Variants in PTPN14 observed in about 807,000 individuals in gnomAD.
PTPN14 encodes tyrosine-protein phosphatase non-receptor type 14.
Under a neutral mutation model 126.8 loss-of-function variants are expected in PTPN14, and 53 were observed. The observed-to-expected ratio is 0.42, with a 90% CI of 0.34 to 0.53. PTPN14 has a LOEUF of 0.53. PTPN14 is among the 20% of genes least tolerant of loss of function. The pLI is 0.08. For synonymous variants in PTPN14, 630 were observed against 599.3 expected, an observed-to-expected ratio of 1.05 and a Z score of -0.75; for missense variants, 1,257 against 1,552.9, an observed-to-expected ratio of 0.81 and a Z score of 3.20.
At position 214,371,727 on chromosome 1, in the gene PTPN14, T is replaced by G. The variant is rs144609964; in HGVS notation, c.3036+984A>C. Among the ~76,000 whole-genome samples the G allele has an allele frequency of 3.1e-3, 465 of 152,312 alleles. 1 individual carries two copies. Among genetic ancestry groups the G allele is most frequent in the Non-Finnish European group, 5.1e-3 (344 of 68,036 alleles). On this transcript the variant is annotated intron_variant, in intron 16 of 18. Transcript: ENST00000366956. ...CTATTCTAGAAGCTTTAAGGAGGAT[T>G]CATTCTCTTTGTGGGAAGGTCAAAC...
chr1:214,457,054 T>C (rs1203426770), intron 2 of PTPN14, among the ~76,000 whole-genome samples: 1 of 152,214 alleles, frequency 6.6e-6, no homozygotes, highest in Non-Finnish European at 1.5e-5. Context: ...AAATTATTAA[T>C]TGCCAAAAGA....
At chr1:214,429,497 C>T (rs1659748930) in intron 3 of PTPN14, among the ~76,000 whole-genome samples, 1 of 152,148 alleles carries the variant, frequency 6.6e-6, no homozygotes, top group African/African-American at 2.4e-5. Flanking sequence ...CAGTCATAAA[C>T]TACTACAAAT....
chr1:214,395,376 A>G (rs1362778470), intron 8 of PTPN14, among the ~76,000 whole-genome samples: 1 of 152,112 alleles, frequency 6.6e-6, no homozygotes, highest in African/African-American at 2.4e-5. Context: ...CCAGGAACCT[A>G]AATAGAAGAA....
chr1:214,470,621 A>G (rs140446548), intron 1 of PTPN14, among the ~76,000 whole-genome samples: 2,662 of 151,628 alleles, frequency 0.018, 66 homozygotes, highest in African/African-American at 0.06. Flanking sequence ...CATCGCTACT[A>G]AAAATACAAA....
chr1:214,465,724 T>A (rs1310367377), intron 1 of PTPN14, among the ~76,000 whole-genome samples: 1 of 152,100 alleles, frequency 6.6e-6, no homozygotes, highest in Non-Finnish European at 1.5e-5. Flanking sequence ...TCCAACTTCA[T>A]GAACAACCCT....
At chr1:214,398,492 G>A (rs1029880980) in intron 7 of PTPN14, among the ~76,000 whole-genome samples, 1 of 152,104 alleles carries the variant, frequency 6.6e-6, no homozygotes, top group African/African-American at 2.4e-5. Context: ...TGTTGCCCAG[G>A]GTGGAGAGCA....
In PTPN14 at chr1:214,414,745, G is replaced by A. The variant is rs763825565; in HGVS notation, c.345-19C>T. On this transcript the variant is annotated intron_variant, in intron 3 of 18. Transcript: ENST00000366956. The stretch of plus-strand genomic sequence containing the variant: ...CTGATATCTGTTCATGGGAATAGAG[G>A]AACAAACAACCTTAAAAACACATAC... 7.0e-6 allele frequency: 11 copies of A among 1,576,784 alleles called. No individual in the cohort carries two copies. The highest frequency in any genetic ancestry group is 9.6e-6 in the Non-Finnish European group (11 of 1,146,246).
chr1:214,547,226 T>C (rs765625659), intron 1 of PTPN14, among the ~76,000 whole-genome samples: 1 of 152,152 alleles, frequency 6.6e-6, no homozygotes, highest in Non-Finnish European at 1.5e-5. Context: ...TCCTCTCCCC[T>C]CCTATTACAA....
rs1226657997 is a variant in PTPN14, at chr1:214,366,829, A to G, written c.3272-2154T>C. Reference sequence around the variant, plus strand: ...AGACCCCGTCTCTACTAAAAATACAAAAAATTAGCCAGGCGTGGTGGTGGG... The same window carrying G: ...AGACCCCGTCTCTACTAAAAATACAGAAAATTAGCCAGGCGTGGTGGTGGG... On this transcript the variant is annotated intron_variant, in intron 17 of 18. Coordinates refer to ENST00000366956, the MANE Select transcript of PTPN14 (RefSeq NM_005401.5). Among the ~76,000 whole-genome samples the G allele has an allele frequency of 3.3e-5, 5 of 151,940 alleles. No homozygotes were observed. The East Asian group carries it at 9.6e-4, about 29-fold the overall frequency.
At position 214,383,185 on chromosome 1, in the gene PTPN14, AC is replaced by A; in HGVS notation, c.2544+125del. 8.2e-7 allele frequency: 1 copy of A among 1,220,752 alleles called. No homozygotes were observed. The highest frequency in any genetic ancestry group is 1.1e-6 in the Non-Finnish European group (1 of 877,606). 75.6% of individuals were successfully genotyped at this position (1,220,752 alleles called of 1,614,324 possible). ...TCAACATTTTGTGTAATAAAGTACT[AC>A]CTTTTAAATGCTCAATGATTCCTTA... On this transcript the variant is annotated intron_variant, in intron 13 of 18. Transcript: ENST00000366956. The surrounding 1 kb of genome is among the most constrained non-coding windows in gnomAD (Gnocchi z 4.4).
In PTPN14 at chr1:214,414,682, C is replaced by T. The variant is rs780867837; in HGVS notation, c.389G>A (p.Arg130Gln). ...CACCTGGTCCAATGTACATCGTAAT[C>T]GCCCTTCAAGCACATCTTTTTTGAC... ...LQVKKDVLEG[R>Q]LRCTLDQVIR... The change falls in exon 4 of 19, where the codon CGA (arginine) becomes CAA (glutamine). Residue 130 changes from arginine (R) to glutamine (Q), a missense_variant. Around this residue, in one of 3 missense-constraint regions of PTPN14, gnomAD observed 1,021 missense variants for 1,183.3 expected, o/e 0.86. Transcript: ENST00000366956. 10 of 1,614,066 alleles carry T rather than the reference C, an allele frequency of 6.2e-6. No homozygotes were observed. The South Asian group carries it at 8.8e-5, about 14-fold the overall frequency.
chr1:214,496,760 G>T (rs1022959927), intron 1 of PTPN14, among the ~76,000 whole-genome samples: 1 of 151,312 alleles, frequency 6.6e-6, no homozygotes, highest in South Asian at 2.1e-4. Context: ...CTATGATTCA[G>T]TTTTAACTTA....
At chr1:214,395,588 A>AACACACACAC (rs57357032) in intron 8 of PTPN14, among the ~76,000 whole-genome samples, 5,204 of 132,414 alleles carry the variant, frequency 0.039, 128 homozygotes, top group Admixed American at 0.068. Flanking sequence ...GGGACCCAAC[A>AACACACACAC]ACACACACAC....
chr1:214,439,208 T>C (rs981990007), intron 3 of PTPN14, among the ~76,000 whole-genome samples: 2 of 152,240 alleles, frequency 1.3e-5, no homozygotes, highest in African/African-American at 4.8e-5. Context: ...AGCAGATACA[T>C]AACTTGCTTC....
chr1:214,491,921 T>C (rs1050586009), intron 1 of PTPN14, among the ~76,000 whole-genome samples: 1 of 152,136 alleles, frequency 6.6e-6, no homozygotes, highest in African/African-American at 2.4e-5. Context: ...TCGATCTTGG[T>C]TTAAAGACCC....
intron 3 of PTPN14, among the ~76,000 whole-genome samples, chr1:214,424,695 C>T (rs540324524): frequency 6.6e-6 from 1 of 152,064 alleles, no homozygotes; most frequent in Admixed American, 6.5e-5. Flanking sequence ...ACCTGGCTAA[C>T]TTTGTTTTAT....
intron 9 of PTPN14, among the ~76,000 whole-genome samples, chr1:214,394,126 T>C (rs1050051793): frequency 5.9e-5 from 9 of 152,196 alleles, no homozygotes; most frequent in African/African-American, 2.2e-4. Flanking sequence ...CTTCTTAAAT[T>C]GGAGGCAGTG....
At chr1:214,534,884 G>T (rs1425062334) in intron 1 of PTPN14, among the ~76,000 whole-genome samples, 2 of 151,976 alleles carry the variant, frequency 1.3e-5, no homozygotes, top group Non-Finnish European at 2.9e-5. Context: ...GATATACTTT[G>T]GCCAATGGGA....
chr1:214,486,761 C>T (rs993607062), intron 1 of PTPN14, among the ~76,000 whole-genome samples: 46 of 152,276 alleles, frequency 3.0e-4, no homozygotes, highest in African/African-American at 1.1e-3. Context: ...AAAACAACCT[C>T]CCTGAACCCT....
Sources: allele counts gnomAD v4.1 joint callset (sites outside exome capture counted in the v4.1 genomes callset), GRCh38; gene constraint gnomAD v4.1.1; regional missense constraint gnomAD v4.1.1; non-coding constraint Gnocchi (gnomAD v3.1); transcripts MANE v1.5; gene names NCBI Gene and HGNC (gene_info 2026-07-23, HGNC 2026-07-21).